Variants in SCHIP1 observed in about 807,000 individuals in gnomAD.
SCHIP1 encodes the protein schwannomin-interacting protein 1.
SCHIP1 carries 8 observed loss-of-function variants against 29.7 expected under a neutral mutation model. The observed-to-expected ratio is 0.27, with a 90% confidence interval of 0.16 to 0.49. The LOEUF (loss-of-function observed/expected upper bound fraction) is 0.49. Ranked by LOEUF, SCHIP1 falls within the 20% of genes least tolerant of loss-of-function variation. The probability of loss-of-function intolerance (pLI) is 0.99; values close to 1 mark genes in which losing one functional copy is unlikely to be tolerated. For synonymous variants in SCHIP1, 76 were observed against 94.9 expected (o/e 0.80, Z 1.16); for missense variants, 193 against 294.6 (o/e 0.66, Z 2.52).
chr3:159,549,267 TC>T, the SCHIP1 span, among the ~76,000 whole-genome samples: 24 of 152,278 alleles, frequency 1.6e-4, no homozygotes, highest in African/African-American at 5.5e-4. Context: ...ACTCTGGTTG[TC>T]CTTAACTCCG....
At chr3:159,590,929 T>G in the SCHIP1 span, among the ~76,000 whole-genome samples, 1 of 152,204 alleles carries the variant, frequency 6.6e-6, no homozygotes, top group Non-Finnish European at 1.5e-5. Context: ...TGAACTCAGA[T>G]GTTGATGTCT....
At chr3:159,864,517 A>G (rs1289707156) in intron 1 of SCHIP1, among the ~76,000 whole-genome samples, 1 of 148,696 alleles carries the variant, frequency 6.7e-6, no homozygotes, top group Non-Finnish European at 1.5e-5. Flanking sequence ...ACACACACAT[A>G]TGCTAGCTCC....
chr3:159,744,159 G>C, the SCHIP1 span, among the ~76,000 whole-genome samples: 1 of 152,142 alleles, frequency 6.6e-6, no homozygotes, highest in Admixed American at 6.5e-5. Context: ...TTAAAGTGGA[G>C]AGGTGAGAAA....
At chr3:159,640,426 G>A in the SCHIP1 span, among the ~76,000 whole-genome samples, 10,939 of 152,148 alleles carry the variant, frequency 0.072, 586 homozygotes, top group Admixed American at 0.17. Context: ...GGTGACTTGC[G>A]TAATCCTCTG....
the SCHIP1 span, among the ~76,000 whole-genome samples, chr3:159,379,457 A>G: frequency 6.6e-6 from 1 of 152,198 alleles, no homozygotes; most frequent in African/African-American, 2.4e-5. Flanking sequence ...TCCTGACCTC[A>G]GGTGATCTGC....
the SCHIP1 span, among the ~76,000 whole-genome samples, chr3:159,627,700 A>G: frequency 2.6e-5 from 4 of 152,182 alleles, no homozygotes; most frequent in African/African-American, 9.7e-5. Flanking sequence ...ATTCATCTGA[A>G]GAACAACTTG....
the SCHIP1 span, among the ~76,000 whole-genome samples, chr3:159,579,322 C>T: frequency 4.6e-5 from 7 of 152,066 alleles, no homozygotes; most frequent in African/African-American, 1.2e-4. Context: ...TGAATTTAAA[C>T]GATTAATGAA....
chr3:159,575,695 A>G, the SCHIP1 span, among the ~76,000 whole-genome samples: 1 of 152,010 alleles, frequency 6.6e-6, no homozygotes, highest in African/African-American at 2.4e-5. Flanking sequence ...TCAGCCTCCC[A>G]CAGTTCTGGG....
chr3:159,692,968 A>G, the SCHIP1 span, among the ~76,000 whole-genome samples: 6 of 152,194 alleles, frequency 3.9e-5, no homozygotes, highest in Admixed American at 2.6e-4. Flanking sequence ...TGGCAAACTG[A>G]ATTAATTTAC....
chr3:159,384,669 G>A, the SCHIP1 span, among the ~76,000 whole-genome samples: 1 of 151,522 alleles, frequency 6.6e-6, no homozygotes. Context: ...GATTGGAATA[G>A]TTTCAGAAGG....
chr3:159,708,434 A>T, the SCHIP1 span, among the ~76,000 whole-genome samples: 1 of 152,222 alleles, frequency 6.6e-6, no homozygotes, highest in Non-Finnish European at 1.5e-5. Flanking sequence ...AGAAGATAAA[A>T]TGAAGAGGGA....
chr3:159,668,446 G>A, the SCHIP1 span, among the ~76,000 whole-genome samples: 696 of 151,070 alleles, frequency 4.6e-3, 8 homozygotes, highest in African/African-American at 0.016. Context: ...TACACAGTAG[G>A]CATTCAAGAA....
chr3:159,794,934 A>G, the SCHIP1 span, among the ~76,000 whole-genome samples: 1 of 152,096 alleles, frequency 6.6e-6, no homozygotes, highest in Non-Finnish European at 1.5e-5. Context: ...AAAAAGCATG[A>G]GCATCTGGGA....
At chr3:159,275,137 T>G in the SCHIP1 span, 24 of 898,720 alleles carry the variant, frequency 2.7e-5, no homozygotes, top group African/African-American at 4.0e-4. Context: ...TTTGTCATCT[T>G]TGCTCAATAG....
chr3:159,392,359 G>T, the SCHIP1 span, among the ~76,000 whole-genome samples: 1 of 151,962 alleles, frequency 6.6e-6, no homozygotes, highest in Non-Finnish European at 1.5e-5. Flanking sequence ...TGTGCACATT[G>T]TGCAGGTTAG....
the SCHIP1 span, chr3:159,273,466 G>C: frequency 9.4e-6 from 10 of 1,065,752 alleles, no homozygotes; most frequent in Non-Finnish European, 1.0e-5. Flanking sequence ...CTTCTTTTCT[G>C]CATTAAGATC....
chr3:159,318,213 C>A, the SCHIP1 span, among the ~76,000 whole-genome samples: 2 of 152,332 alleles, frequency 1.3e-5, no homozygotes, highest in East Asian at 1.9e-4. Flanking sequence ...TCCTCCTCCA[C>A]TGAGGTCACC....
chr3:159,401,397 T>A, the SCHIP1 span: 1 of 959,974 alleles, frequency 1.0e-6, no homozygotes, highest in Middle Eastern at 5.3e-4. Context: ...ATTTGTTGAA[T>A]TAAATAATTT....
chr3:159,621,622 T>G, the SCHIP1 span, among the ~76,000 whole-genome samples: 1 of 152,046 alleles, frequency 6.6e-6, no homozygotes, highest in Non-Finnish European at 1.5e-5. Flanking sequence ...TGAAGCAGAA[T>G]GGGTGTGCAT....
Sources: allele counts gnomAD v4.1 joint callset (sites outside exome capture counted in the v4.1 genomes callset), GRCh38; gene constraint gnomAD v4.1.1; transcripts MANE v1.5; gene names NCBI Gene and HGNC (gene_info 2026-07-23, HGNC 2026-07-21).